AIG1: variants seen among roughly 807,000 people sequenced by gnomAD.
AIG1 encodes the protein androgen-induced gene 1 protein.
In AIG1, 23 loss-of-function variants were observed where a neutral mutation model predicts 31.4. The ratio of observed to expected loss-of-function variants is 0.73; its 90% CI spans 0.53 to 1.04. The LOEUF (loss-of-function observed/expected upper bound fraction) is 1.04. Ranked by LOEUF, AIG1 falls within the 50% of genes least tolerant of loss-of-function variation. The probability of loss-of-function intolerance (pLI) is 0.00; values close to 1 mark genes in which losing one functional copy is unlikely to be tolerated. For synonymous variants in AIG1, 100 were observed against 110.5 expected (o/e 0.90, Z 0.60); for missense variants, 274 against 295.0 (o/e 0.93, Z 0.52).
intron 3 of AIG1, among the ~76,000 whole-genome samples, chr6:143,270,634 T>G (rs1325587672): frequency 1.3e-5 from 2 of 152,226 alleles, no homozygotes; most frequent in African/African-American, 4.8e-5. Flanking sequence ...CATTGCCTTA[T>G]GTCATGGAAT....
At chr6:143,155,607 A>G (rs1361883557) in intron 2 of AIG1, among the ~76,000 whole-genome samples, 3 of 152,186 alleles carry the variant, frequency 2.0e-5, no homozygotes, top group Admixed American at 1.3e-4. Flanking sequence ...ATGTCTGACA[A>G]GAAACTGGGG....
intron 3 of AIG1, among the ~76,000 whole-genome samples, chr6:143,209,726 T>C (rs1470855294): frequency 6.6e-6 from 1 of 152,138 alleles, no homozygotes; most frequent in East Asian, 1.9e-4. Context: ...ATAATAAATA[T>C]GTATTGTTGT....
intron 2 of AIG1, among the ~76,000 whole-genome samples, chr6:143,154,611 T>C (rs1218338260): frequency 6.6e-6 from 1 of 152,170 alleles, no homozygotes; most frequent in Non-Finnish European, 1.5e-5. Context: ...CAAATATATA[T>C]GTGTGATACC....
At chr6:143,078,945 C>A (rs973729149) in intron 1 of AIG1, among the ~76,000 whole-genome samples, 1 of 152,112 alleles carries the variant, frequency 6.6e-6, no homozygotes, top group Non-Finnish European at 1.5e-5. Flanking sequence ...TTTGTGATTT[C>A]TTTTATACTC....
chr6:143,072,214 T>C (rs1382276807), intron 1 of AIG1, among the ~76,000 whole-genome samples: 1 of 152,242 alleles, frequency 6.6e-6, no homozygotes, highest in African/African-American at 2.4e-5. Context: ...TAAATTTTGC[T>C]TTCTGGTTGT....
chr6:143,257,963 A>G (rs1045533061), intron 3 of AIG1, among the ~76,000 whole-genome samples: 9 of 152,180 alleles, frequency 5.9e-5, no homozygotes, highest in Admixed American at 5.9e-4. Context: ...ATCCCTGCAC[A>G]GTGGCTAGTT....
chr6:143,306,316 A>G (rs1799300618), intron 4 of AIG1, among the ~76,000 whole-genome samples: 1 of 152,194 alleles, frequency 6.6e-6, no homozygotes, highest in South Asian at 2.1e-4. Flanking sequence ...GTTTCTTCCT[A>G]GCCTTGATGG....
chr6:143,251,416 A>G lies in AIG1; in HGVS notation c.400-32694A>G, dbSNP rs112000362. Among the ~76,000 whole-genome samples the G allele has an allele frequency of 6.4e-3, 976 of 152,288 alleles. 9 individuals are homozygous for G. The highest frequency in any genetic ancestry group is 0.023 in the African/African-American group (940 of 41,546). Reference sequence around the variant, plus strand: ...GAACAGCCCTAAGAAATCAATTCACATACTTTCTTAACTGACCCATGGAAG... The same window carrying G: ...GAACAGCCCTAAGAAATCAATTCACGTACTTTCTTAACTGACCCATGGAAG... On this transcript the variant is annotated intron_variant, in intron 3 of 5. Coordinates refer to ENST00000357847, the MANE Select transcript of AIG1 (RefSeq NM_016108.4).
intron 3 of AIG1, among the ~76,000 whole-genome samples, chr6:143,281,094 A>C (rs1797312616): frequency 1.3e-5 from 2 of 152,198 alleles, no homozygotes; most frequent in African/African-American, 2.4e-5. Flanking sequence ...ATTGATTCAA[A>C]CATTATTCAA....
chr6:143,136,424 GATATT>G lies in AIG1; in HGVS notation c.142-410_142-406del, dbSNP rs1783755708. Among the ~76,000 whole-genome samples, 3 of 152,112 alleles carry G rather than the reference GATATT, an allele frequency of 2.0e-5. No individual in the cohort carries two copies. In the South Asian group the frequency reaches 6.2e-4, roughly 32 times the overall value. On this transcript the variant is annotated intron_variant, in intron 1 of 5. Coordinates refer to ENST00000357847, the MANE Select transcript of AIG1 (RefSeq NM_016108.4). ...CTCACCCTTTTGTTTTCACTTCTTA[GATATT>G]TGTTAAAACTCACTAGTTATATTGA...
intron 3 of AIG1, among the ~76,000 whole-genome samples, chr6:143,271,482 C>G (rs1315361682): frequency 6.6e-6 from 1 of 152,156 alleles, no homozygotes; most frequent in Non-Finnish European, 1.5e-5. Flanking sequence ...CATAATTGCT[C>G]TTATTGCTGC....
At chr6:143,155,290 CTG>C (rs1785631626) in intron 2 of AIG1, among the ~76,000 whole-genome samples, 1 of 152,136 alleles carries the variant, frequency 6.6e-6, no homozygotes, top group African/African-American at 2.4e-5. Context: ...TTCATGGTAA[CTG>C]TGCTCAGTGT....
intron 1 of AIG1, among the ~76,000 whole-genome samples, chr6:143,092,829 T>G (rs1779421689): frequency 6.6e-6 from 1 of 152,108 alleles, no homozygotes; most frequent in Non-Finnish European, 1.5e-5. Context: ...GCGGGAGGAT[T>G]GCTTGAGGCC....
At chr6:143,110,980 A>T (rs1781228345) in intron 1 of AIG1, among the ~76,000 whole-genome samples, 1 of 152,182 alleles carries the variant, frequency 6.6e-6, no homozygotes, top group Non-Finnish European at 1.5e-5. Context: ...GTTGCCAGAG[A>T]TGAAGTTATA....
intron 1 of AIG1, among the ~76,000 whole-genome samples, chr6:143,090,166 A>T (rs1054616598): frequency 2.0e-5 from 3 of 152,070 alleles, no homozygotes; most frequent in Non-Finnish European, 4.4e-5. Context: ...AAATCTTTTG[A>T]GTTTGCAGCC....
intron 3 of AIG1, among the ~76,000 whole-genome samples, chr6:143,249,906 G>A (rs930624995): frequency 2.6e-5 from 4 of 152,222 alleles, no homozygotes; most frequent in African/African-American, 9.6e-5. Flanking sequence ...CTACCTGCCT[G>A]CAGAAGGCTG....
In AIG1 at chr6:143,280,413, T is replaced by C. The variant is rs1797263919; in HGVS notation, c.400-3697T>C. On this transcript the variant is annotated intron_variant, in intron 3 of 5. Coordinates refer to ENST00000357847, the MANE Select transcript of AIG1 (RefSeq NM_016108.4). This position sits in a 1 kb window ranked among gnomAD's most constrained non-coding sequence, Gnocchi z 4.1. ...TAGAAATCATTCTACCATAAAGATA[T>C]ATGTGCACAAATGTTCATTGCAGCA... 6.6e-6 allele frequency among the ~76,000 whole-genome samples: 1 copy of C among 152,110 alleles called. No homozygotes were observed. The highest frequency in any genetic ancestry group is 1.5e-5 in the Non-Finnish European group (1 of 68,030).
chr6:143,305,418 T>C (rs902061462), intron 4 of AIG1, among the ~76,000 whole-genome samples: 1 of 152,228 alleles, frequency 6.6e-6, no homozygotes, highest in African/African-American at 2.4e-5. Flanking sequence ...GATTCTGGTA[T>C]GTTGTGTCTT....
At chr6:143,109,719 A>C (rs551352837) in intron 1 of AIG1, among the ~76,000 whole-genome samples, 7 of 152,286 alleles carry the variant, frequency 4.6e-5, no homozygotes, top group African/African-American at 1.7e-4. Context: ...GCCGTTTAAA[A>C]ATACTGGGTA....
Sources: allele counts gnomAD v4.1 joint callset (sites outside exome capture counted in the v4.1 genomes callset), GRCh38; gene constraint gnomAD v4.1.1; non-coding constraint Gnocchi (gnomAD v3.1); transcripts MANE v1.5; gene names NCBI Gene and HGNC (gene_info 2026-07-23, HGNC 2026-07-21).